Variants in SLX4IP observed in about 807,000 individuals in gnomAD.
SLX4IP encodes protein SLX4IP.
In SLX4IP, 34 loss-of-function variants were observed where a neutral mutation model predicts 32.9. That is an observed-to-expected ratio of 1.03 (90% confidence interval 0.79 to 1.38). The LOEUF is 1.38. Ranked by LOEUF, SLX4IP falls within the 40% of genes most tolerant of loss-of-function variation. The pLI is 0.00. For missense variants in SLX4IP, 444 were observed against 479.0 expected (o/e 0.93, Z 0.68); for synonymous variants, 172 against 171.7 (o/e 1.00, Z -0.01).
At chr20:10,601,882 T>C in intron 6 of SLX4IP, 63 bp downstream of exon 6, 1 of 1,440,774 alleles carries the variant, frequency 6.9e-7, no homozygotes, top group Non-Finnish European at 9.7e-7. Flanking sequence ...CTGTAAAAAA[T>C]AGAAAACAAG....
chr20:10,500,757 TAAATA>T (rs1341337047), intron 2 of SLX4IP, among the ~76,000 whole-genome samples: 1 of 152,050 alleles, frequency 6.6e-6, no homozygotes, highest in Non-Finnish European at 1.5e-5. Context: ...TCTCAAAAAA[TAAATA>T]AAATAAGTAA....
intron 2 of SLX4IP, among the ~76,000 whole-genome samples, chr20:10,477,715 C>G (rs1355074422): frequency 6.6e-6 from 1 of 152,158 alleles, no homozygotes; most frequent in Non-Finnish European, 1.5e-5. Flanking sequence ...AACACAATGC[C>G]TGGCAACTGG....
At chr20:10,598,133 G>T (rs375121718) in intron 4 of SLX4IP, among the ~76,000 whole-genome samples, 21 of 152,300 alleles carry the variant, frequency 1.4e-4, no homozygotes, top group South Asian at 6.2e-4. Flanking sequence ...TCGTTTTACA[G>T]TTGAAGTAAC....
At chr20:10,570,837 A>G (rs1349245755) in intron 4 of SLX4IP, among the ~76,000 whole-genome samples, 1 of 150,544 alleles carries the variant, frequency 6.6e-6, no homozygotes, top group Non-Finnish European at 1.5e-5. Context: ...CCACATGCAC[A>G]CTTGTTTTTT....
chr20:10,584,083 C>G (rs543863456), intron 4 of SLX4IP, among the ~76,000 whole-genome samples: 27 of 152,102 alleles, frequency 1.8e-4, no homozygotes, highest in South Asian at 8.3e-4. Context: ...CTCTTAAGGA[C>G]TTGTATAATA....
chr20:10,570,382 T>C (rs2066447922), intron 4 of SLX4IP, among the ~76,000 whole-genome samples: 1 of 152,138 alleles, frequency 6.6e-6, no homozygotes, highest in Admixed American at 6.5e-5. Context: ...TTGAGCCACA[T>C]ACCATTTTGC....
chr20:10,569,226 C>T (rs2066432804), intron 4 of SLX4IP, among the ~76,000 whole-genome samples: 1 of 150,328 alleles, frequency 6.7e-6, no homozygotes, highest in Non-Finnish European at 1.5e-5. Context: ...ACTCTTGTCG[C>T]CCAGGCTGGA....
intron 4 of SLX4IP, among the ~76,000 whole-genome samples, chr20:10,563,229 C>T (rs768254522): frequency 5.3e-5 from 8 of 152,156 alleles, no homozygotes; most frequent in Non-Finnish European, 1.0e-4. Flanking sequence ...ATATTCAAAT[C>T]CTTTGCACAT....
At chr20:10,528,584 T>TA (rs1367053273) in intron 2 of SLX4IP, among the ~76,000 whole-genome samples, 1 of 152,116 alleles carries the variant, frequency 6.6e-6, no homozygotes, top group Non-Finnish European at 1.5e-5. Flanking sequence ...CTTTTCTTTT[T>TA]AAAAAAAATT....
intron 2 of SLX4IP, among the ~76,000 whole-genome samples, chr20:10,532,402 G>A (rs2065997413): frequency 6.6e-6 from 1 of 152,120 alleles, no homozygotes; most frequent in African/African-American, 2.4e-5. Flanking sequence ...CTAGGTTGGT[G>A]CATCAAAGGG....
chr20:10,590,420 G>C (rs541122735), intron 4 of SLX4IP, among the ~76,000 whole-genome samples: 12 of 152,100 alleles, frequency 7.9e-5, no homozygotes, highest in African/African-American at 2.9e-4. Context: ...GAGTGCAGTG[G>C]CGCGATCTCG....
chr20:10,627,468 G>A lies in SLX4IP; in HGVS notation c.*4089G>A, dbSNP rs908051913. On this transcript the variant is annotated 3_prime_UTR_variant, in exon 8 of 8. Transcript: ENST00000334534. ...AGAAATCTAACCGTATATATCATTG[G>A]TATTGCAATTTAAGGGTATAATTAA... 3.3e-5 allele frequency: 5 copies of A among 152,170 alleles called. No individual in the cohort carries two copies. The highest frequency in any genetic ancestry group is 1.2e-4 in the African/African-American group (5 of 41,432). The allele number at this position is 152,170 out of a possible 1,614,324, so 9.4% of individuals were successfully genotyped here. A position where few individuals can be genotyped will look rare whatever the true frequency, so the allele number is the denominator to read the frequency against.
In SLX4IP at chr20:10,625,679, A is replaced by G. The variant is rs1301566937; in HGVS notation, c.*2300A>G. The G allele has an allele frequency of 1.3e-5, 2 of 152,186 alleles. No individual in the cohort carries two copies. The highest frequency in any genetic ancestry group is 2.9e-5 in the Non-Finnish European group (2 of 68,032). The allele number at this position is 152,186 out of a possible 1,614,324, so 9.4% of individuals were successfully genotyped here. ...TATAACAATTACTGTGATCGAAGAG[A>G]AAAAATAGCACCTTTGGTTGTAGAT... is the stretch of plus-strand genomic sequence containing the variant. On this transcript the variant is annotated 3_prime_UTR_variant, in exon 8 of 8. Transcript: ENST00000334534.
At chr20:10,548,714 C>G (rs190624652) in intron 2 of SLX4IP, among the ~76,000 whole-genome samples, 5 of 152,298 alleles carry the variant, frequency 3.3e-5, no homozygotes, top group Admixed American at 6.5e-5. Context: ...AGAAAGAGTG[C>G]TTTTAAATTT....
At chr20:10,448,902 A>G (rs941967718) in intron 1 of SLX4IP, among the ~76,000 whole-genome samples, 14 of 152,248 alleles carry the variant, frequency 9.2e-5, no homozygotes, top group African/African-American at 3.1e-4. Flanking sequence ...TTATATGCAT[A>G]AGTGACTCAG....
At chr20:10,605,365 T>C (rs2066893911) in intron 6 of SLX4IP, among the ~76,000 whole-genome samples, 1 of 152,204 alleles carries the variant, frequency 6.6e-6, no homozygotes, top group African/African-American at 2.4e-5. Flanking sequence ...GAAAGTGTGT[T>C]GGCCCTCAAG....
Position 10,467,547 on chromosome 20 carries a change from T to C in SLX4IP, c.27+9316T>C, listed in dbSNP as rs576243647. On this transcript the variant is annotated intron_variant, in intron 2 of 7. Coordinates refer to ENST00000334534, the MANE Select transcript of SLX4IP (RefSeq NM_001009608.3). The stretch of plus-strand genomic sequence containing the variant: ...TCATGTATTCCTTGTAAGAGCTTTA[T>C]GTTTTAAAGACATACAGGGTCAATG... 4.6e-5 allele frequency among the ~76,000 whole-genome samples: 7 copies of C among 152,350 alleles called. No individual in the cohort carries two copies. The East Asian group carries it at 1.3e-3, about 29-fold the overall frequency.
intron 2 of SLX4IP, among the ~76,000 whole-genome samples, chr20:10,543,022 C>T (rs887483778): frequency 6.6e-6 from 1 of 152,152 alleles, no homozygotes. Flanking sequence ...ATTAATGGGT[C>T]CTGTGGTTAT....
intron 4 of SLX4IP, among the ~76,000 whole-genome samples, chr20:10,589,517 T>A (rs182488030): frequency 1.3e-5 from 2 of 152,278 alleles, no homozygotes; most frequent in African/African-American, 4.8e-5. Context: ...AACATAGTGT[T>A]AACTGACTGA....
Sources: gnomAD v4.1 joint callset for allele counts (sites outside exome capture counted in the v4.1 genomes callset) on GRCh38, gnomAD v4.1.1 for gene constraint, MANE v1.5 for transcripts, NCBI Gene and HGNC (gene_info 2026-07-23, HGNC 2026-07-21) for gene names.